The following ZNF704 variants were observed in gnomAD, a reference collection of about 807,000 sequenced individuals.
The protein encoded by ZNF704 is zinc finger protein 704.
A neutral mutation model predicts 44.7 loss-of-function variants in ZNF704; 10 were observed. The ratio of observed to expected loss-of-function variants is 0.22; its 90% CI spans 0.14 to 0.38. The LOEUF (loss-of-function observed/expected upper bound fraction) is 0.38, where lower values mean the gene tolerates loss of function less well. Among genes scored for constraint, ZNF704 ranks in the 10% least tolerant of loss-of-function variants. The probability of loss-of-function intolerance (pLI) is 1.00; values close to 1 mark genes in which losing one functional copy is unlikely to be tolerated. For synonymous variants in ZNF704, 211 were observed against 207.6 expected (o/e 1.02, Z -0.14); for missense variants, 390 against 545.5 (o/e 0.71, Z 2.84).
chr8:80,748,685 G>T (rs1806888916), intron 2 of ZNF704, among the ~76,000 whole-genome samples: 1 of 152,152 alleles, frequency 6.6e-6, no homozygotes, highest in African/African-American at 2.4e-5. Flanking sequence ...ACGAACCCAA[G>T]GAAAAGAATA....
At chr8:80,849,680 G>T (rs1808825461) in intron 1 of ZNF704, among the ~76,000 whole-genome samples, 2 of 152,184 alleles carry the variant, frequency 1.3e-5, no homozygotes. Context: ...AAGAGAGTGA[G>T]TTCCAGTAAG....
chr8:80,713,697 CA>C (rs748712847), intron 2 of ZNF704, among the ~76,000 whole-genome samples: 1 of 147,516 alleles, frequency 6.8e-6, no homozygotes, highest in Non-Finnish European at 1.5e-5. Context: ...AGCCACAGGT[CA>C]TTCAGGGGAA....
chr8:80,708,579 T>C (rs1239777104), intron 2 of ZNF704, among the ~76,000 whole-genome samples: 2 of 152,278 alleles, frequency 1.3e-5, no homozygotes, highest in African/African-American at 4.8e-5. Flanking sequence ...GTGGAAAGCA[T>C]TGCTAAAAGT....
chr8:80,766,010 A>G (rs920261912), intron 2 of ZNF704, among the ~76,000 whole-genome samples: 2 of 152,226 alleles, frequency 1.3e-5, no homozygotes, highest in African/African-American at 4.8e-5. Context: ...AATTAAAAAA[A>G]AAGTTTAGTG....
At chr8:80,763,864 G>A (rs1440381986) in intron 2 of ZNF704, among the ~76,000 whole-genome samples, 1 of 152,120 alleles carries the variant, frequency 6.6e-6, no homozygotes, top group Non-Finnish European at 1.5e-5. Context: ...CAAGTTCAAA[G>A]TTACACAGGT....
intron 2 of ZNF704, among the ~76,000 whole-genome samples, chr8:80,768,402 A>C (rs1178939162): frequency 6.6e-6 from 1 of 152,186 alleles, no homozygotes; most frequent in Non-Finnish European, 1.5e-5. Context: ...TGAGTTGGAC[A>C]CTGGCAAGTT....
chr8:80,659,745 T>A lies in ZNF704; in HGVS notation c.928-56A>T, dbSNP rs1818070880. 7 of 1,519,756 alleles carry A rather than the reference T, an allele frequency of 4.6e-6. No individual in the cohort carries two copies. In the East Asian group the frequency reaches 1.6e-4, roughly 34 times the overall value. 94.1% of individuals were successfully genotyped at this position (1,519,756 alleles called of 1,614,324 possible). A position where few individuals can be genotyped will look rare whatever the true frequency, so the allele number is the denominator to read the frequency against. On this transcript the variant is annotated intron_variant, in intron 6 of 8. Coordinates refer to ENST00000327835, the MANE Select transcript of ZNF704 (RefSeq NM_001033723.3). The stretch of plus-strand genomic sequence containing the variant: ...TGAAGGAATATTTTCCTTCGGAGCT[T>A]TAAGCTCTTATTACCAAAGGAGGAC...
chr8:80,819,988 G>A (rs1003474974), intron 2 of ZNF704, among the ~76,000 whole-genome samples: 1 of 152,288 alleles, frequency 6.6e-6, no homozygotes, highest in South Asian at 2.1e-4. Context: ...CTGTTTTCCT[G>A]GTTAACTGTT....
chr8:80,819,089 C>A (rs1342670852), intron 2 of ZNF704, among the ~76,000 whole-genome samples: 1 of 152,108 alleles, frequency 6.6e-6, no homozygotes, highest in East Asian at 1.9e-4. Flanking sequence ...ATACCCCAAA[C>A]AATGAAGCCT....
chr8:80,858,833 G>T (rs562346046), intron 1 of ZNF704, among the ~76,000 whole-genome samples: 18 of 152,260 alleles, frequency 1.2e-4, no homozygotes, highest in Non-Finnish European at 2.2e-4. Context: ...TACATGATAT[G>T]ATTTCAATTC....
intron 2 of ZNF704, among the ~76,000 whole-genome samples, chr8:80,732,952 TAAAAA>T (rs59640222): frequency 1.3e-5 from 1 of 78,656 alleles, no homozygotes; most frequent in East Asian, 4.4e-4. Flanking sequence ...AGACCTTGCC[TAAAAA>T]AAAAAAAAAA....
chr8:80,845,540 G>A (rs1808754523), intron 1 of ZNF704, among the ~76,000 whole-genome samples: 1 of 152,174 alleles, frequency 6.6e-6, no homozygotes, highest in Non-Finnish European at 1.5e-5. Flanking sequence ...CAATTGTTGA[G>A]GATTTGGAAG....
intron 2 of ZNF704, among the ~76,000 whole-genome samples, chr8:80,804,827 G>A (rs1024621021): frequency 6.6e-6 from 1 of 151,778 alleles, no homozygotes; most frequent in Admixed American, 6.6e-5. Context: ...ATGTACCCCT[G>A]AACTTAAAAT....
chr8:80,695,887 TAAC>T (rs1199158704), intron 2 of ZNF704, among the ~76,000 whole-genome samples: 8 of 152,194 alleles, frequency 5.3e-5, no homozygotes, highest in Non-Finnish European at 7.4e-5. Flanking sequence ...TGGAAATCAC[TAAC>T]AACAACAACA....
At chr8:80,824,127 C>A (rs966450713) in intron 1 of ZNF704, among the ~76,000 whole-genome samples, 1 of 152,118 alleles carries the variant, frequency 6.6e-6, no homozygotes, top group African/African-American at 2.4e-5. Context: ...ACAAACTTCT[C>A]CGAGCTAAAG....
intron 1 of ZNF704, among the ~76,000 whole-genome samples, chr8:80,872,187 T>C (rs1449346951): frequency 2.0e-5 from 3 of 152,212 alleles, no homozygotes; most frequent in Non-Finnish European, 2.9e-5. Flanking sequence ...CTATATCTTG[T>C]AGCCATACAA....
At chr8:80,795,159 G>T (rs1191826387) in intron 2 of ZNF704, among the ~76,000 whole-genome samples, 1 of 152,260 alleles carries the variant, frequency 6.6e-6, no homozygotes, top group East Asian at 1.9e-4. Context: ...GACTCAGTGG[G>T]ACAGACAAGA....
At chr8:80,675,742 G>A (rs752219440) in intron 4 of ZNF704, among the ~76,000 whole-genome samples, 27 of 152,174 alleles carry the variant, frequency 1.8e-4, no homozygotes, top group Non-Finnish European at 2.5e-4. Flanking sequence ...TGAGTTGTGG[G>A]TGAGTTTTGG....
At chr8:80,711,724 G>A (rs1818990561) in intron 2 of ZNF704, among the ~76,000 whole-genome samples, 1 of 152,172 alleles carries the variant, frequency 6.6e-6, no homozygotes, top group African/African-American at 2.4e-5. Flanking sequence ...AATTAAAAGG[G>A]TGGGGCCACA....
Sources: gnomAD v4.1 joint callset for allele counts (sites outside exome capture counted in the v4.1 genomes callset) on GRCh38, gnomAD v4.1.1 for gene constraint, MANE v1.5 for transcripts, NCBI Gene and HGNC (gene_info 2026-07-23, HGNC 2026-07-21) for gene names.